VSIR: variants seen among roughly 807,000 people sequenced by gnomAD.
VSIR encodes V-type immunoglobulin domain-containing suppressor of T-cell activation.
In VSIR, 10 loss-of-function variants were observed where a neutral mutation model predicts 31.0. The ratio of observed to expected loss-of-function variants is 0.32; its 90% confidence interval spans 0.20 to 0.55. The LOEUF is 0.55. Ranked by LOEUF, VSIR falls within the 20% of genes least tolerant of loss-of-function variation. VSIR has a pLI of 0.93. For synonymous variants in VSIR, 179 were observed against 180.1 expected, an observed-to-expected ratio of 0.99 and a Z score of 0.05; for missense variants, 356 against 416.2, an observed-to-expected ratio of 0.86 and a Z score of 1.26.
chr10:71,760,266 T>C (rs549357425), intron 3 of VSIR, among the ~76,000 whole-genome samples: 37 of 110,686 alleles, frequency 3.3e-4, no homozygotes, highest in African/African-American at 8.6e-4. Flanking sequence ...TATATGTATA[T>C]ACATATATAT....
chr10:71,760,595 A>G, intron 3 of VSIR: 1 of 410,976 alleles, frequency 2.4e-6, no homozygotes, highest in Non-Finnish European at 4.5e-6. Flanking sequence ...ACCTGTCATG[A>G]GGCACTTGCC....
intron 1 of VSIR, among the ~76,000 whole-genome samples, chr10:71,762,546 G>C (rs748458692): frequency 3.3e-5 from 5 of 152,262 alleles, no homozygotes; most frequent in Non-Finnish European, 5.9e-5. Flanking sequence ...CTGAATGCAT[G>C]GCCTCCCCTT....
chr10:71,762,137 G>T, intron 1 of VSIR, 111 bp from the exon 2 acceptor site: 1 of 1,281,842 alleles, frequency 7.8e-7, no homozygotes, highest in Non-Finnish European at 1.0e-6. Flanking sequence ...CAGGCCAGGG[G>T]CATGTCAGCT....
Position 71,751,256 on chromosome 10 carries a change from G to A in VSIR, c.933C>T (p.Ile311=), listed in dbSNP as rs1177149274. The A allele has an allele frequency of 6.2e-7, 1 of 1,609,528 alleles. No individual in the cohort carries two copies. The highest frequency in any genetic ancestry group is 8.5e-7 in the Non-Finnish European group (1 of 1,177,582). The change falls in exon 7 of 7, where the codon ATC becomes ATT. Residue 311 remains isoleucine, a synonymous_variant. Coordinates refer to ENST00000394957, the MANE Select transcript of VSIR (RefSeq NM_022153.2). The surrounding 1 kb of genome is among the most constrained non-coding windows in gnomAD (Gnocchi z 4.9). ...AGCCCACTGTCCCCCAGCTGGGCTA[G>A]ATGACCTCAAAGTTTGGAGAGTCAG... ...PVPDSPNFEV[I] is the part of the protein sequence containing the mutation.
At chr10:71,763,985 G>A (rs1320931805) in intron 1 of VSIR, among the ~76,000 whole-genome samples, 2 of 152,226 alleles carry the variant, frequency 1.3e-5, no homozygotes, top group Non-Finnish European at 2.9e-5. Flanking sequence ...GTTTTAGGCA[G>A]AGAGCCAAGT....
At position 71,768,082 on chromosome 10, in the gene VSIR, G is replaced by C. The variant is rs79577239; in HGVS notation, c.82+5276C>G. ...CTTCTATGCTGTGAAGACGTCCTCA[G>C]GGTCCAGCTCAAGTCTTTTTGCCCC... On this transcript the variant is annotated intron_variant, in intron 1 of 6. Coordinates refer to ENST00000394957, the MANE Select transcript of VSIR (RefSeq NM_022153.2). Among the ~76,000 whole-genome samples, 1,288 of 152,330 alleles carry C rather than the reference G, an allele frequency of 8.5e-3. 7 individuals are homozygous for C. The highest frequency in any genetic ancestry group is 0.013 in the Non-Finnish European group (901 of 68,024).
chr10:71,756,647 G>A (rs1318182877), intron 3 of VSIR, among the ~76,000 whole-genome samples: 1 of 152,200 alleles, frequency 6.6e-6, no homozygotes, highest in African/African-American at 2.4e-5. Flanking sequence ...CAGGGCATCT[G>A]CTGACTGCAG....
intron 4 of VSIR, 51 bp downstream of exon 4, chr10:71,755,308 G>A: frequency 2.0e-6 from 3 of 1,504,420 alleles, no homozygotes; most frequent in Non-Finnish European, 2.7e-6. Flanking sequence ...CTGGGGGCTG[G>A]AGCAGGTCAC....
chr10:71,762,153 C>T, intron 1 of VSIR, 127 bp from the exon 2 acceptor site: 1 of 1,093,632 alleles, frequency 9.1e-7, no homozygotes, highest in Non-Finnish European at 1.3e-6. Context: ...CAGCTGACCT[C>T]CCTAAGACTG....
chr10:71,756,058 T>C (rs983389234), intron 3 of VSIR, among the ~76,000 whole-genome samples: 1 of 152,118 alleles, frequency 6.6e-6, no homozygotes, highest in East Asian at 1.9e-4. Context: ...CCCCTTGATC[T>C]CACCACACAA....
chr10:71,753,038 G>GGGAA (rs1564775632), intron 4 of VSIR, 36 bp from the exon 5 acceptor site: 7 of 1,607,316 alleles, frequency 4.4e-6, no homozygotes, highest in Admixed American at 1.7e-5. Context: ...GGTCATGGAA[G>GGGAA]GGAAGGCTTC....
chr10:71,756,886 G>A (rs566793762), intron 3 of VSIR, among the ~76,000 whole-genome samples: 3 of 152,318 alleles, frequency 2.0e-5, no homozygotes, highest in Middle Eastern at 3.4e-3. Flanking sequence ...ATCCGACAGC[G>A]TAAACAAGCT....
intron 1 of VSIR, among the ~76,000 whole-genome samples, chr10:71,770,695 A>G (rs1840665489): frequency 6.6e-6 from 1 of 152,150 alleles, no homozygotes; most frequent in Admixed American, 6.5e-5. Context: ...CTAACACCCC[A>G]TACACTGTGT....
At chr10:71,756,970 G>A (rs574417035) in intron 3 of VSIR, among the ~76,000 whole-genome samples, 3 of 152,224 alleles carry the variant, frequency 2.0e-5, no homozygotes, top group Non-Finnish European at 2.9e-5. Context: ...ACTGGTACAG[G>A]AACAGTTGCT....
chr10:71,757,878 A>G (rs1273641410), intron 3 of VSIR, among the ~76,000 whole-genome samples: 1 of 151,978 alleles, frequency 6.6e-6, no homozygotes, highest in Non-Finnish European at 1.5e-5. Context: ...AGCTGCCTAG[A>G]CCCCTTCTCT....
intron 1 of VSIR, among the ~76,000 whole-genome samples, chr10:71,771,326 T>C (rs1181080587): frequency 2.0e-5 from 3 of 152,154 alleles, no homozygotes; most frequent in African/African-American, 7.2e-5. Context: ...ATCACTACCA[T>C]TCTCCTCAGT....
chr10:71,760,010 TACACACACAC>T (rs1274523860), intron 3 of VSIR, among the ~76,000 whole-genome samples: 3 of 96,562 alleles, frequency 3.1e-5, no homozygotes, highest in Admixed American at 1.0e-4. Context: ...TACATATATA[TACACACACAC>T]ATATATACAC....
intron 4 of VSIR, among the ~76,000 whole-genome samples, chr10:71,754,797 A>G (rs7908979): frequency 0.26 from 39,422 of 152,106 alleles, 5,507 homozygotes; most frequent in Middle Eastern, 0.38. Flanking sequence ...CCCTGGAAAG[A>G]GCATGCGTTG....
chr10:71,759,691 C>T (rs1840245429), intron 3 of VSIR, among the ~76,000 whole-genome samples: 1 of 151,644 alleles, frequency 6.6e-6, no homozygotes, highest in Non-Finnish European at 1.5e-5. Flanking sequence ...CCTGTAATCT[C>T]ATCCTAGCTA....
Sources: gnomAD v4.1 joint callset for allele counts (sites outside exome capture counted in the v4.1 genomes callset) on GRCh38, gnomAD v4.1.1 for gene constraint, Gnocchi (gnomAD v3.1) non-coding constraint, MANE v1.5 for transcripts, NCBI Gene and HGNC (gene_info 2026-07-23, HGNC 2026-07-21) for gene names.